TRAPPC8: variants seen among roughly 807,000 people sequenced by gnomAD.
TRAPPC8 encodes general sporulation gene 1 homolog.
A neutral mutation model predicts 174.3 loss-of-function variants in TRAPPC8; 54 were observed. The ratio of observed to expected loss-of-function variants is 0.31; its 90% CI spans 0.25 to 0.39. TRAPPC8 has a LOEUF of 0.39. Ranked by LOEUF, TRAPPC8 falls within the 10% of genes least tolerant of loss-of-function variation. The pLI, the probability that TRAPPC8 is intolerant of heterozygous loss-of-function variation, is 1.00. For synonymous variants in TRAPPC8, 630 were observed against 579.9 expected (o/e 1.09, Z -1.24); for missense variants, 1,531 against 1,699.1 (o/e 0.90, Z 1.74).
Position 31,870,534 on chromosome 18 carries a change from T to C in TRAPPC8, c.2258-32A>G, listed in dbSNP as rs777231642. The C allele has an allele frequency of 3.2e-6, 5 of 1,578,844 alleles. No homozygotes were observed. In the Admixed American group the frequency reaches 9.1e-5, roughly 29 times the overall value. On this transcript the variant is annotated intron_variant, in intron 15 of 28. Coordinates refer to ENST00000283351, the MANE Select transcript of TRAPPC8 (RefSeq NM_014939.5). ...AAAAAAAGGCCTAAATTAATAACTT[T>C]AATAAACATCACACCTCATTCTCAG...
chr18:31,901,125 TAAC>T, intron 9 of TRAPPC8, 100 bp from the exon 10 acceptor site: 2 of 984,694 alleles, frequency 2.0e-6, no homozygotes, highest in Non-Finnish European at 2.9e-6. Context: ...GTTTTTTTTT[TAAC>T]TGGATACACA....
At chr18:31,915,460 C>A (rs1221169688) in intron 4 of TRAPPC8, among the ~76,000 whole-genome samples, 14 of 96,848 alleles carry the variant, frequency 1.4e-4, no homozygotes, top group African/African-American at 4.4e-4. Flanking sequence ...GAAACCCCAT[C>A]AAAAAAAAAG....
intron 2 of TRAPPC8, among the ~76,000 whole-genome samples, chr18:31,927,023 A>C (rs2037645269): frequency 6.6e-6 from 1 of 152,204 alleles, no homozygotes; most frequent in Admixed American, 6.6e-5. Context: ...AAGACTACAG[A>C]AATTGGTGGG....
intron 1 of TRAPPC8, among the ~76,000 whole-genome samples, chr18:31,940,509 T>C (rs750049096): frequency 1.1e-4 from 17 of 150,814 alleles, no homozygotes; most frequent in Non-Finnish European, 2.2e-4. Flanking sequence ...TGTTTCTTTT[T>C]ACTTTTTTAA....
chr18:31,912,837 A>G (rs1020841567), intron 5 of TRAPPC8, among the ~76,000 whole-genome samples: 1 of 152,188 alleles, frequency 6.6e-6, no homozygotes, highest in Non-Finnish European at 1.5e-5. Flanking sequence ...TCTTTTAAGA[A>G]AGAGATCAGT....
intron 3 of TRAPPC8, 28 bp downstream of exon 3, chr18:31,917,550 T>G: frequency 6.3e-7 from 1 of 1,574,942 alleles, no homozygotes; most frequent in Non-Finnish European, 8.6e-7. Context: ...ATATTTGATT[T>G]GAGGAGAACA....
chr18:31,923,072 G>C (rs62093871), intron 2 of TRAPPC8, among the ~76,000 whole-genome samples: 1 of 152,126 alleles, frequency 6.6e-6, no homozygotes, highest in East Asian at 1.9e-4. Context: ...GTAAGGAAGG[G>C]TAATATGGTC....
intron 1 of TRAPPC8, among the ~76,000 whole-genome samples, chr18:31,933,669 T>C (rs917453895): frequency 3.3e-5 from 5 of 152,072 alleles, no homozygotes; most frequent in Non-Finnish European, 7.4e-5. Context: ...TACCTACAAA[T>C]AAAGAATGAC....
intron 27 of TRAPPC8, among the ~76,000 whole-genome samples, chr18:31,833,086 T>TGC (rs917589842): frequency 1.3e-5 from 2 of 152,224 alleles, no homozygotes; most frequent in African/African-American, 4.8e-5. Flanking sequence ...ACTGGTGCTA[T>TGC]GCCCTAACTT....
At chr18:31,866,721 A>C in intron 18 of TRAPPC8, 128 bp downstream of exon 18, 1 of 1,031,294 alleles carries the variant, frequency 9.7e-7, no homozygotes, top group East Asian at 2.9e-5. Flanking sequence ...TCATTCTTAC[A>C]TCTGGCTAAA....
intron 1 of TRAPPC8, among the ~76,000 whole-genome samples, chr18:31,938,061 C>T (rs1237975521): frequency 6.6e-6 from 1 of 152,140 alleles, no homozygotes; most frequent in Non-Finnish European, 1.5e-5. Context: ...AACCCACATA[C>T]TTCCAAGTTA....
At chr18:31,917,406 C>G (rs1233029863) in intron 3 of TRAPPC8, among the ~76,000 whole-genome samples, 172 bp downstream of exon 3, 2 of 150,682 alleles carry the variant, frequency 1.3e-5, no homozygotes, top group Non-Finnish European at 3.0e-5. Context: ...TATAGCAGTC[C>G]TGTATCTAGG....
At chr18:31,921,503 G>A (rs948600149) in intron 2 of TRAPPC8, among the ~76,000 whole-genome samples, 1 of 151,752 alleles carries the variant, frequency 6.6e-6, no homozygotes, top group Non-Finnish European at 1.5e-5. Flanking sequence ...TGTAATCCCA[G>A]CTACTCGGAG....
chr18:31,891,625 T>C (rs546336091), intron 11 of TRAPPC8, among the ~76,000 whole-genome samples: 11 of 152,130 alleles, frequency 7.2e-5, no homozygotes, highest in African/African-American at 2.4e-4. Context: ...GTACTGAAGG[T>C]TGCTGATTAA....
chr18:31,902,836 T>A (rs2036493587), intron 9 of TRAPPC8, among the ~76,000 whole-genome samples: 1 of 152,028 alleles, frequency 6.6e-6, no homozygotes. Flanking sequence ...GATCACGATG[T>A]CAGGATATCG....
intron 15 of TRAPPC8, 79 bp downstream of exon 15, chr18:31,870,847 T>C (rs750419272): frequency 4.8e-6 from 6 of 1,251,814 alleles, no homozygotes; most frequent in Non-Finnish European, 6.4e-6. Context: ...ACCAATTATG[T>C]GTGCCAAACA....
At chr18:31,843,783 G>A (rs556842678) in intron 26 of TRAPPC8, among the ~76,000 whole-genome samples, 48 of 152,214 alleles carry the variant, frequency 3.2e-4, no homozygotes, top group South Asian at 1.2e-3. Flanking sequence ...GGGGATAGAC[G>A]GAACAATGTG....
chr18:31,854,838 T>C (rs143507203), intron 21 of TRAPPC8, among the ~76,000 whole-genome samples: 1,539 of 150,392 alleles, frequency 0.01, 27 homozygotes, highest in African/African-American at 0.035. Flanking sequence ...GCGTGGTGGG[T>C]GCCTGTGGTC....
At chr18:31,877,947 C>A (rs1001471341) in intron 12 of TRAPPC8, among the ~76,000 whole-genome samples, 1 of 150,588 alleles carries the variant, frequency 6.6e-6, no homozygotes, top group South Asian at 2.1e-4. Context: ...AAAAAAGTGA[C>A]CCCATGCCAA....
Sources: allele counts gnomAD v4.1 joint callset (sites outside exome capture counted in the v4.1 genomes callset), GRCh38; gene constraint gnomAD v4.1.1; transcripts MANE v1.5; gene names NCBI Gene and HGNC (gene_info 2026-07-23, HGNC 2026-07-21).